The following DNAI3 variants were observed in gnomAD, a reference collection of about 807,000 sequenced individuals.
DNAI3 encodes the protein dynein axonemal intermediate chain 3, also known as WD repeat domain 63.
Under a neutral mutation model 115.5 loss-of-function variants are expected in DNAI3, and 83 were observed. The observed-to-expected ratio is 0.72, with a 90% CI of 0.60 to 0.86. The LOEUF (loss-of-function observed/expected upper bound fraction) is 0.86, where lower values mean the gene tolerates loss of function less well. Ranked by LOEUF, DNAI3 falls within the 40% of genes least tolerant of loss-of-function variation. The probability of loss-of-function intolerance (pLI) is 0.00; values close to 1 mark genes in which losing one functional copy is unlikely to be tolerated. For synonymous variants in DNAI3, 320 were observed against 347.0 expected, an observed-to-expected ratio of 0.92 and a Z score of 0.86; for missense variants, 1,004 against 1,075.8, an observed-to-expected ratio of 0.93 and a Z score of 0.93.
intron 16 of DNAI3, among the ~76,000 whole-genome samples, chr1:85,112,319 C>T (rs1457546062): frequency 6.6e-6 from 1 of 152,192 alleles, no homozygotes; most frequent in Non-Finnish European, 1.5e-5. Flanking sequence ...GGATACACAA[C>T]AGTGGTTTAT....
chr1:85,122,350 C>T (rs1039040867), intron 18 of DNAI3, among the ~76,000 whole-genome samples: 33 of 152,092 alleles, frequency 2.2e-4, no homozygotes, highest in African/African-American at 7.5e-4. Context: ...GGACCTGGGC[C>T]TCTGGAAAGC....
At chr1:85,068,318 A>G (rs923641877) in intron 1 of DNAI3, among the ~76,000 whole-genome samples, 1 of 152,012 alleles carries the variant, frequency 6.6e-6, no homozygotes, top group African/African-American at 2.4e-5. Context: ...ATAAATAGCA[A>G]CTCCATGCTT....
intron 4 of DNAI3, 66 bp downstream of exon 4, chr1:85,081,481 AGTTGGAGAGGTT>A (rs1654630640): frequency 9.8e-6 from 14 of 1,426,214 alleles, no homozygotes; most frequent in Non-Finnish European, 1.3e-5. Context: ...TAATAACAAA[AGTTGGAGAGGTT>A]GTTGGTTCAA....
intron 17 of DNAI3, among the ~76,000 whole-genome samples, chr1:85,120,576 A>G (rs7525306): frequency 0.63 from 96,448 of 152,066 alleles, 31,828 homozygotes; most frequent in South Asian, 0.83. Flanking sequence ...ACTGGCTATG[A>G]GACCCAGGAG....
intron 16 of DNAI3, among the ~76,000 whole-genome samples, chr1:85,111,744 C>T (rs1413389123): frequency 1.3e-5 from 2 of 152,132 alleles, no homozygotes; most frequent in Non-Finnish European, 2.9e-5. Context: ...ATCAGTATCT[C>T]TTTTAAAGTG....
At chr1:85,097,112 T>TA (rs1192365543) in intron 11 of DNAI3, among the ~76,000 whole-genome samples, 2 of 152,042 alleles carry the variant, frequency 1.3e-5, no homozygotes, top group Non-Finnish European at 2.9e-5. Context: ...TCTAGATACA[T>TA]AAGAATTCAG....
At chr1:85,069,985 G>A (rs542625292) in intron 1 of DNAI3, among the ~76,000 whole-genome samples, 142 of 152,202 alleles carry the variant, frequency 9.3e-4, no homozygotes, top group Admixed American at 2.2e-3. Flanking sequence ...CTTTTTAGCT[G>A]GGCGCGGTGG....
At chr1:85,083,931 C>A (rs901069964) in intron 5 of DNAI3, among the ~76,000 whole-genome samples, 2 of 151,688 alleles carry the variant, frequency 1.3e-5, no homozygotes, top group Non-Finnish European at 2.9e-5. Context: ...AAAATTGTGT[C>A]ATTTTTATAC....
chr1:85,069,962 T>A (rs1182268987), intron 1 of DNAI3, among the ~76,000 whole-genome samples: 1 of 152,168 alleles, frequency 6.6e-6, no homozygotes, highest in Non-Finnish European at 1.5e-5. Context: ...ATTGATTAGA[T>A]AATAAAATCC....
At chr1:85,062,929 T>G (rs1653981342) in intron 1 of DNAI3, among the ~76,000 whole-genome samples, 1 of 152,232 alleles carries the variant, frequency 6.6e-6, no homozygotes, top group Admixed American at 6.5e-5. Flanking sequence ...ACTTCAGGAC[T>G]GTTTAGAAAG....
chr1:85,087,467 A>G (rs1432880622), intron 7 of DNAI3, among the ~76,000 whole-genome samples: 13 of 150,424 alleles, frequency 8.6e-5, no homozygotes, highest in African/African-American at 3.2e-4. Flanking sequence ...AAAGAAAGAA[A>G]GAAAAAAAAA....
chr1:85,068,613 T>C (rs1231713193), intron 1 of DNAI3, among the ~76,000 whole-genome samples: 1 of 152,198 alleles, frequency 6.6e-6, no homozygotes, highest in Non-Finnish European at 1.5e-5. Context: ...AAGTAACTTC[T>C]CAGCTCAAAA....
rs573667273 is a variant in DNAI3, at chr1:85,094,689, A to G, written c.1173+134A>G. 334 of 1,101,276 alleles carry G rather than the reference A, an allele frequency of 3.0e-4. 1 individual carries two copies. The highest frequency in any genetic ancestry group is 3.8e-4 in the Non-Finnish European group (309 of 803,662). The allele number at this position is 1,101,276 out of a possible 1,614,324, so 68.2% of individuals were successfully genotyped here. A position where few individuals can be genotyped will look rare whatever the true frequency, so the allele number is the denominator to read the frequency against. ...CATTTATAAAGTTAGGCTTTCTTCA[A>G]TGCAGAACTTGTCATCATTCAATTT... On this transcript the variant is annotated intron_variant, in intron 10 of 22. Coordinates refer to ENST00000294664, the MANE Select transcript of DNAI3 (RefSeq NM_145172.5).
In DNAI3 at chr1:85,085,950, T is replaced by A. The variant is rs763523583; in HGVS notation, c.660T>A (p.Asn220Lys). Residue 220 changes from asparagine (N) to lysine (K), a missense_variant, in exon 7 of 23, where the codon AAT (asparagine) becomes AAA (lysine). Asn to Lys is a moderately conservative substitution (Grantham distance 94, BLOSUM62 0). Coordinates refer to ENST00000294664, the MANE Select transcript of DNAI3 (RefSeq NM_145172.5). ...AATGTACAGCCTACCCAGATAAAAA[T>A]TTTACCCTTAAACAACTTGAAAAAG... Reference protein sequence around the residue: ...YIECTAYPDKNFTLKQLEKDV... With the variant: ...YIECTAYPDKKFTLKQLEKDV... The A allele has an allele frequency of 6.2e-7, 1 of 1,613,946 alleles. No homozygotes were observed. The highest frequency in any genetic ancestry group is 8.5e-7 in the Non-Finnish European group (1 of 1,180,008).
At chr1:85,130,437 A>T (rs1342061211) in intron 22 of DNAI3, among the ~76,000 whole-genome samples, 3 of 152,198 alleles carry the variant, frequency 2.0e-5, no homozygotes, top group Non-Finnish European at 4.4e-5. Context: ...GTGCAAAAAG[A>T]GTTGAATATG....
intron 5 of DNAI3, among the ~76,000 whole-genome samples, chr1:85,083,132 G>T (rs1399203153): frequency 6.6e-6 from 1 of 152,148 alleles, no homozygotes. Context: ...ATTGTTTGAG[G>T]ATGACAGAGA....
chr1:85,074,103 C>A (rs1342090558), intron 3 of DNAI3, among the ~76,000 whole-genome samples: 1 of 152,146 alleles, frequency 6.6e-6, no homozygotes, highest in African/African-American at 2.4e-5. Flanking sequence ...TTTCAAACCA[C>A]CCCAACTTAT....
At position 85,082,347 on chromosome 1, in the gene DNAI3, A is replaced by G. The variant is rs772452025; in HGVS notation, c.333A>G (p.Lys111=). 7 of 1,614,008 alleles carry G rather than the reference A, an allele frequency of 4.3e-6. No individual in the cohort carries two copies. The highest frequency in any genetic ancestry group is 5.9e-6 in the Non-Finnish European group (7 of 1,179,938). ...ELLLVYDKDF[K]YGLNFYLIAT... ...TGCTTGTTTATGACAAAGACTTCAA[A>G]TATGGACTTAACTTTTATCTTATTG... The change falls in exon 5 of 23, where the codon AAA becomes AAG. Residue 111 remains lysine (K), a synonymous_variant. Transcript: ENST00000294664.
At chr1:85,090,286 C>T (rs1654933999) in intron 8 of DNAI3, 54 bp downstream of exon 8, 2 of 997,312 alleles carry the variant, frequency 2.0e-6, no homozygotes, top group Non-Finnish European at 2.9e-6. Context: ...TATATGTTTA[C>T]ATAGAATAAC....
Sources: gnomAD v4.1 joint callset for allele counts (sites outside exome capture counted in the v4.1 genomes callset) on GRCh38, gnomAD v4.1.1 for gene constraint, MANE v1.5 for transcripts, NCBI Gene and HGNC (gene_info 2026-07-23, HGNC 2026-07-21) for gene names.